The following N4BP2L2 variants were observed in gnomAD, a reference collection of about 807,000 sequenced individuals.
N4BP2L2 encodes NEDD4 binding protein 2 like 2, also known as NEDD4-binding protein 2-like 2.
Under a neutral mutation model 56.2 loss-of-function variants are expected in N4BP2L2, and 50 were observed. The observed-to-expected ratio is 0.89, with a 90% CI of 0.71 to 1.13. N4BP2L2 has a LOEUF of 1.13. Ranked by LOEUF, N4BP2L2 falls within the 50% of genes most tolerant of loss-of-function variation. N4BP2L2 has a pLI of 0.00. For missense variants in N4BP2L2, 689 were observed against 693.8 expected (o/e 0.99, Z 0.08); for synonymous variants, 203 against 223.6 (o/e 0.91, Z 0.82).
At chr13:32,433,382 G>A (rs1195957368) in intron 9 of N4BP2L2, among the ~76,000 whole-genome samples, 1 of 152,228 alleles carries the variant, frequency 6.6e-6, no homozygotes, top group East Asian at 1.9e-4. Context: ...TGTAATCCCA[G>A]CATTTTGGGA....
Position 32,517,812 on chromosome 13 carries a change from T to C in N4BP2L2, c.1742A>G (p.Asn581Ser), listed in dbSNP as rs766881903. The C allele has an allele frequency of 3.7e-6, 6 of 1,612,886 alleles. No individual in the cohort carries two copies. In the East Asian group the frequency reaches 1.3e-4, roughly 36 times the overall value. Residue 581 changes from asparagine (N) to serine (S), a missense_variant, in exon 6 of 6, where the codon AAT becomes AGT. Coordinates refer to ENST00000267068, the Ensembl canonical transcript of N4BP2L2. ...CTGAAAATAGCTAATTTAATGATTA[T>C]TTGTGACACAGACACGATTATGTGA... is the stretch of plus-strand genomic sequence containing the variant.
At position 32,482,338 on chromosome 13, in the gene N4BP2L2, C is replaced by T. The variant is rs141390622; in HGVS notation, c.365+35519G>A. Among the ~76,000 whole-genome samples, 475 of 152,156 alleles carry T rather than the reference C, an allele frequency of 3.1e-3. 1 individual carries two copies. Among genetic ancestry groups the T allele is most frequent in the African/African-American group, 0.011 (464 of 41,520 alleles). The stretch of plus-strand genomic sequence containing the variant: ...GTTATAGTGGGGTTTACATACCTAG[C>T]GTGATTATAATTAAACTGATTACTT... On this transcript the variant is annotated intron_variant, in intron 6 of 9. Transcript: ENST00000357505.
At chr13:32,455,738 C>G (rs1015816908) in intron 6 of N4BP2L2, among the ~76,000 whole-genome samples, 1 of 152,176 alleles carries the variant, frequency 6.6e-6, no homozygotes, top group African/African-American at 2.4e-5. Context: ...AAGCCCACTA[C>G]CCTGGGGCCT....
chr13:32,465,945 C>A (rs1278645686), intron 6 of N4BP2L2, among the ~76,000 whole-genome samples: 7 of 152,198 alleles, frequency 4.6e-5, no homozygotes, highest in Non-Finnish European at 1.0e-4. Context: ...AGCCACCACG[C>A]CTGGCCTAGT....
intron 6 of N4BP2L2, among the ~76,000 whole-genome samples, chr13:32,493,308 A>ATTTG (rs2087652403): frequency 2.6e-5 from 4 of 152,012 alleles, no homozygotes; most frequent in Non-Finnish European, 5.9e-5. Context: ...TTCAGTTCTC[A>ATTTG]TGCCTCTATC....
At chr13:32,482,013 GGGTGTAT>G (rs1215516123) in intron 6 of N4BP2L2, among the ~76,000 whole-genome samples, 2 of 152,138 alleles carry the variant, frequency 1.3e-5, no homozygotes, top group African/African-American at 4.8e-5. Context: ...ATATCTTCCA[GGGTGTAT>G]GGTACATGGG....
At position 32,435,696 on chromosome 13, in the gene N4BP2L2, G is replaced by A. The variant is rs541834246; in HGVS notation, c.*21+665C>T. 3.3e-5 allele frequency among the ~76,000 whole-genome samples: 5 copies of A among 152,116 alleles called. No individual in the cohort carries two copies. In the East Asian group the frequency reaches 9.7e-4, roughly 29 times the overall value. Reference sequence around the variant, plus strand: ...CTTCAGTTCTTCCTCTTCTTTCAGGGGAAGCAGGATTAAAACAAACAAAAA... The same window carrying A: ...CTTCAGTTCTTCCTCTTCTTTCAGGAGAAGCAGGATTAAAACAAACAAAAA... On this transcript the variant is annotated intron_variant, in intron 9 of 9. Coordinates refer to the N4BP2L2 transcript ENST00000357505.
At chr13:32,491,939 A>G (rs991612167) in intron 6 of N4BP2L2, among the ~76,000 whole-genome samples, 1 of 152,110 alleles carries the variant, frequency 6.6e-6, no homozygotes, top group Admixed American at 6.6e-5. Context: ...CGAAAAAAGT[A>G]TATTTATTCA....
chr13:32,527,648 T>C (rs2053438876), intron 2 of N4BP2L2, 116 bp from the exon 3 acceptor site: 12 of 1,169,796 alleles, frequency 1.0e-5, no homozygotes, highest in Admixed American at 2.5e-5. Context: ...GGTTATTAAA[T>C]GGATTTCTGA....
intron 2 of N4BP2L2, 40 bp from the exon 3 acceptor site, chr13:32,527,572 T>A: frequency 1.3e-6 from 2 of 1,595,296 alleles, no homozygotes; most frequent in South Asian, 2.2e-5. Flanking sequence ...ATTTACAAAA[T>A]CTATAACCAT....
intron 6 of N4BP2L2, among the ~76,000 whole-genome samples, chr13:32,482,494 T>TG (rs2084960254): frequency 6.6e-6 from 1 of 151,452 alleles, no homozygotes; most frequent in Non-Finnish European, 1.5e-5. Context: ...CCTAAGGAGC[T>TG]GGGACTAAAT....
chr13:32,492,092 C>T (rs1340371469), intron 6 of N4BP2L2, among the ~76,000 whole-genome samples: 1 of 152,054 alleles, frequency 6.6e-6, no homozygotes, highest in African/African-American at 2.4e-5. Context: ...AAATGACTTT[C>T]TGAAAACTAT....
chr13:32,456,677 A>T (rs1005134806), intron 6 of N4BP2L2, among the ~76,000 whole-genome samples: 1 of 152,236 alleles, frequency 6.6e-6, no homozygotes, highest in Non-Finnish European at 1.5e-5. Context: ...CCAGAGATAG[A>T]TATCATAAAA....
chr13:32,488,263 T>G (rs922102031), intron 6 of N4BP2L2, among the ~76,000 whole-genome samples: 2 of 152,198 alleles, frequency 1.3e-5, no homozygotes, highest in East Asian at 3.8e-4. Flanking sequence ...TGAAGTAACA[T>G]GGATGGAGCT....
At chr13:32,521,281 T>G (rs1229999892) in intron 5 of N4BP2L2, 92 bp downstream of exon 5, 1 of 1,026,984 alleles carries the variant, frequency 9.7e-7, no homozygotes, top group African/African-American at 1.6e-5. Flanking sequence ...TTCCTGAACC[T>G]ACATTTGTAT....
At chr13:32,467,737 C>T (rs765105728) in intron 6 of N4BP2L2, among the ~76,000 whole-genome samples, 74 of 151,368 alleles carry the variant, frequency 4.9e-4, no homozygotes, top group Non-Finnish European at 7.4e-4. Flanking sequence ...GCTTGTAATC[C>T]GAGCACTTTG....
intron 8 of N4BP2L2, among the ~76,000 whole-genome samples, chr13:32,436,785 C>CAAAAAAAAAAAAAAAAAAAAAAAA (rs1174354861): frequency 2.2e-5 from 1 of 44,968 alleles, no homozygotes; most frequent in Non-Finnish European, 4.1e-5. Context: ...GTGTGACTGT[C>CAAAAAAAAAAAAAAAAAAAAAAAA]AAAAAAAAAA....
At chr13:32,477,945 G>C (rs1318403596) in intron 6 of N4BP2L2, 1 of 1,289,248 alleles carries the variant, frequency 7.8e-7, no homozygotes, top group Non-Finnish European at 1.0e-6. Flanking sequence ...TTTTGTTCTT[G>C]CTGCTCTTGG....
intron 6 of N4BP2L2, among the ~76,000 whole-genome samples, chr13:32,459,844 A>T (rs2079686934): frequency 1.3e-5 from 2 of 152,192 alleles, no homozygotes; most frequent in Non-Finnish European, 2.9e-5. Context: ...TCAGACAAGG[A>T]CACAGCAAAA....
Sources: gnomAD v4.1 joint callset for allele counts (sites outside exome capture counted in the v4.1 genomes callset) on GRCh38, gnomAD v4.1.1 for gene constraint, MANE v1.5 for transcripts, NCBI Gene and HGNC (gene_info 2026-07-23, HGNC 2026-07-21) for gene names.